The following DSC3 variants were observed in gnomAD, a reference collection of about 807,000 sequenced individuals.
The protein encoded by DSC3 is desmocollin 3.
Under a neutral mutation model 89.5 loss-of-function variants are expected in DSC3, and 97 were observed. The ratio of observed to expected loss-of-function variants is 1.08; its 90% CI spans 0.92 to 1.28. The LOEUF is 1.28. Among genes scored for constraint, DSC3 ranks in the 50% most tolerant of loss-of-function variants. The probability of loss-of-function intolerance (pLI) is 0.00; values close to 1 mark genes in which losing one functional copy is unlikely to be tolerated. For synonymous variants in DSC3, 436 were observed against 384.1 expected, an observed-to-expected ratio of 1.14 and a Z score of -1.58; for missense variants, 1,199 against 1,085.3, an observed-to-expected ratio of 1.10 and a Z score of -1.47.
chr18:31,026,240 G>A (rs529190791), intron 4 of DSC3, among the ~76,000 whole-genome samples: 6 of 151,994 alleles, frequency 3.9e-5, no homozygotes, highest in Non-Finnish European at 8.8e-5. Context: ...CATGTTCAAG[G>A]AGTAGCAAGA....
intron 15 of DSC3, among the ~76,000 whole-genome samples, chr18:30,995,451 A>G (rs2144670445): frequency 6.6e-6 from 1 of 152,330 alleles, no homozygotes; most frequent in South Asian, 2.1e-4. Context: ...CATTCCATTC[A>G]AGGATTAAAG....
At chr18:30,995,996 A>AAAAAAAAAAAAAAAAAAAAAGAAAG (rs1555631968) in intron 15 of DSC3, among the ~76,000 whole-genome samples, 1 of 136,478 alleles carries the variant, frequency 7.3e-6, no homozygotes, top group African/African-American at 3.0e-5. Context: ...AAAAAAAAAA[A>AAAAAAAAAAAAAAAAAAAAAGAAAG]AAAGAAAAGA....
chr18:31,041,154 T>C (rs1327094699), intron 1 of DSC3, among the ~76,000 whole-genome samples: 1 of 152,120 alleles, frequency 6.6e-6, no homozygotes, highest in Non-Finnish European at 1.5e-5. Context: ...TCTGGGAGCC[T>C]CGAGCGAATG....
intron 4 of DSC3, among the ~76,000 whole-genome samples, chr18:31,027,820 A>G (rs1196740037): frequency 6.6e-6 from 1 of 152,120 alleles, no homozygotes; most frequent in Non-Finnish European, 1.5e-5. Context: ...ACAATTCTGA[A>G]AACTCTTTAA....
chr18:31,011,346 C>T (rs972978257), intron 9 of DSC3, among the ~76,000 whole-genome samples: 2 of 152,136 alleles, frequency 1.3e-5, no homozygotes, highest in African/African-American at 4.8e-5. Flanking sequence ...CAATATATTG[C>T]AATAAAAGGA....
In DSC3 at chr18:30,991,447, A is replaced by G. The variant is rs528843620; in HGVS notation, c.*2728T>C. ...ATCCCTAAAATTAAATTTTCATTTG[A>G]GAGAAAAGAATTACAAATTCGGGCA... On this transcript the variant is annotated 3_prime_UTR_variant, in exon 16 of 16. Transcript: ENST00000360428. 2.1e-4 allele frequency: 32 copies of G among 152,544 alleles called. No homozygotes were observed. Among genetic ancestry groups the G allele is most frequent in the African/African-American group, 5.5e-4 (23 of 41,588 alleles). 9.4% of individuals were successfully genotyped at this position (152,544 alleles called of 1,614,324 possible). A position where few individuals can be genotyped will look rare whatever the true frequency, so the allele number is the denominator to read the frequency against.
rs1469419517 is a variant in DSC3 at position 31,008,164 on chromosome 18, A to C, written c.1521-6T>G. 1.9e-6 allele frequency: 3 copies of C among 1,607,720 alleles called. No homozygotes were observed. Among genetic ancestry groups the C allele is most frequent in the Non-Finnish European group, 2.6e-6 (3 of 1,176,248 alleles). On this transcript the variant is annotated splice_region_variant and splice_polypyrimidine_tract_variant and intron_variant, in intron 10 of 15. Coordinates refer to ENST00000360428, the MANE Select transcript of DSC3 (RefSeq NM_001941.5). ...GATCATGCAATTTTTTGTACCTGTTAATAAAAAAAAAATAGTCTTTAGCAT... is the reference window on the plus strand; with the variant it reads ...GATCATGCAATTTTTTGTACCTGTTCATAAAAAAAAAATAGTCTTTAGCAT...
chr18:31,028,003 A>G (rs556809861), intron 4 of DSC3, among the ~76,000 whole-genome samples: 17 of 152,156 alleles, frequency 1.1e-4, no homozygotes, highest in Admixed American at 7.2e-4. Context: ...TTTTATTTCC[A>G]TAAGTTTAGT....
chr18:31,010,810 G>A (rs1424819345), intron 9 of DSC3, among the ~76,000 whole-genome samples: 1 of 152,138 alleles, frequency 6.6e-6, no homozygotes, highest in Non-Finnish European at 1.5e-5. Context: ...AGCCACTGAG[G>A]TGGAATGAGT....
rs1223223026 is a variant in DSC3, at chr18:30,992,847, GT to G, written c.*1327del. On this transcript the variant is annotated 3_prime_UTR_variant, in exon 16 of 16. Transcript: ENST00000360428. ...TCACTTAAGGGAATCTCTGCTGGAG[GT>G]GTTGCTTTAGCAGAAAGCCGAAAGA... 2 of 152,238 alleles carry G rather than the reference GT, an allele frequency of 1.3e-5. No homozygotes were observed. Among genetic ancestry groups the G allele is most frequent in the Non-Finnish European group, 2.9e-5 (2 of 68,056 alleles). The allele number at this position is 152,238 out of a possible 1,614,324, so 9.4% of individuals were successfully genotyped here.
rs1023302337 is a variant in DSC3, at chr18:30,993,205, A to G, written c.*970T>C. ...TGTTTTTGTTATTAGCTCCCCGAAA[A>G]AAACACCTCATCTCTGGACCCTTGC... is the stretch of plus-strand genomic sequence containing the variant. On this transcript the variant is annotated 3_prime_UTR_variant, in exon 16 of 16. Transcript: ENST00000360428. 6.6e-6 allele frequency: 1 copy of G among 152,186 alleles called. No individual in the cohort carries two copies. Among genetic ancestry groups the G allele is most frequent in the Non-Finnish European group, 1.5e-5 (1 of 68,034 alleles). 9.4% of individuals were successfully genotyped at this position (152,186 alleles called of 1,614,324 possible). A position where few individuals can be genotyped will look rare whatever the true frequency, so the allele number is the denominator to read the frequency against.
At chr18:31,021,155 C>G (rs1985406589) in intron 7 of DSC3, among the ~76,000 whole-genome samples, 1 of 151,584 alleles carries the variant, frequency 6.6e-6, no homozygotes, top group Admixed American at 6.6e-5. Context: ...TTTTCTTCAT[C>G]AGGAAAGTAG....
intron 13 of DSC3, among the ~76,000 whole-genome samples, chr18:31,002,907 C>T (rs1449773374): frequency 6.6e-6 from 1 of 152,106 alleles, no homozygotes; most frequent in Admixed American, 6.5e-5. Flanking sequence ...CTATCTAATC[C>T]TTTACAGAAA....
chr18:31,004,863 A>G (rs1984785757), intron 12 of DSC3, among the ~76,000 whole-genome samples: 1 of 152,226 alleles, frequency 6.6e-6, no homozygotes. Flanking sequence ...GAAGCTAATT[A>G]ATGTCACTCA....
At chr18:31,014,374 G>A (rs1036757343) in intron 9 of DSC3, among the ~76,000 whole-genome samples, 8 of 151,992 alleles carry the variant, frequency 5.3e-5, no homozygotes, top group Non-Finnish European at 1.2e-4. Flanking sequence ...TAATACACAG[G>A]AAACAGGTGG....
chr18:31,041,451 T>A (rs559218502), intron 1 of DSC3, among the ~76,000 whole-genome samples: 1 of 152,326 alleles, frequency 6.6e-6, no homozygotes, highest in South Asian at 2.1e-4. Context: ...CATACCTCGC[T>A]GACCTTAAGG....
intron 15 of DSC3, among the ~76,000 whole-genome samples, chr18:30,994,862 C>T (rs1031507813): frequency 5.3e-5 from 8 of 152,052 alleles, no homozygotes; most frequent in South Asian, 2.1e-4. Context: ...AAAATAATGA[C>T]GCATAATACA....
intron 12 of DSC3, among the ~76,000 whole-genome samples, chr18:31,004,733 G>GT (rs5823775): frequency 0.47 from 71,468 of 151,964 alleles, 19,822 homozygotes; most frequent in African/African-American, 0.76. Context: ...TGAAGTTTAC[G>GT]TTTCTTATCC....
At chr18:30,998,812 T>C (rs1984559323) in intron 14 of DSC3, among the ~76,000 whole-genome samples, 1 of 152,090 alleles carries the variant, frequency 6.6e-6, no homozygotes, top group African/African-American at 2.4e-5. Flanking sequence ...CACAGCAAGG[T>C]AAGAATGGGT....
Sources: allele counts gnomAD v4.1 joint callset (sites outside exome capture counted in the v4.1 genomes callset), GRCh38; gene constraint gnomAD v4.1.1; transcripts MANE v1.5; gene names NCBI Gene and HGNC (gene_info 2026-07-23, HGNC 2026-07-21).